The following ZFAT variants were observed in gnomAD, a reference collection of about 807,000 sequenced individuals.
The protein encoded by ZFAT is zinc finger and AT-hook domain containing.
A neutral mutation model predicts 117.7 loss-of-function variants in ZFAT; 64 were observed. That is an observed-to-expected ratio of 0.54 (90% CI 0.44 to 0.67). The LOEUF (loss-of-function observed/expected upper bound fraction) is 0.67. Ranked by LOEUF, ZFAT falls within the 30% of genes least tolerant of loss-of-function variation. The pLI is 0.00. For synonymous variants in ZFAT, 679 were observed against 615.0 expected, an observed-to-expected ratio of 1.10 and a Z score of -1.54; for missense variants, 1,433 against 1,584.5, an observed-to-expected ratio of 0.90 and a Z score of 1.62.
intron 15 of ZFAT, among the ~76,000 whole-genome samples, chr8:134,487,222 C>T (rs571708874): frequency 6.6e-6 from 1 of 152,170 alleles, no homozygotes; most frequent in East Asian, 1.9e-4. Context: ...AGGTAAAAGA[C>T]ATCTCTCCTG....
chr8:134,536,537 C>G (rs924223765), intron 11 of ZFAT, among the ~76,000 whole-genome samples: 4 of 152,176 alleles, frequency 2.6e-5, no homozygotes, highest in Admixed American at 2.6e-4. Context: ...CTAGGCTCTT[C>G]AAGCAAAACA....
intron 1 of ZFAT, among the ~76,000 whole-genome samples, chr8:134,661,016 G>C (rs1563739129): frequency 6.6e-6 from 1 of 152,258 alleles, no homozygotes; most frequent in Non-Finnish European, 1.5e-5. Context: ...GGTGGAGGCA[G>C]AGACAAACAC....
intron 1 of ZFAT, among the ~76,000 whole-genome samples, chr8:134,671,059 G>C (rs1832537201): frequency 6.6e-6 from 1 of 152,150 alleles, no homozygotes; most frequent in Admixed American, 6.5e-5. Flanking sequence ...CCAGGAAGAA[G>C]TTCAATCTCT....
the ZFAT span, among the ~76,000 whole-genome samples, chr8:134,830,793 G>C: frequency 1.3e-5 from 2 of 152,128 alleles, no homozygotes; most frequent in Non-Finnish European, 2.9e-5. Flanking sequence ...GTAATTTCCA[G>C]GTAACATTCA....
upstream of ZFAT, among the ~76,000 whole-genome samples, chr8:134,715,856 ATCTT>A (rs915131675): frequency 8.5e-5 from 13 of 152,336 alleles, no homozygotes; most frequent in Admixed American, 6.5e-4. Flanking sequence ...TATATCCAAT[ATCTT>A]TATGAGAAAT....
chr8:134,579,043 A>T (rs761929402), intron 10 of ZFAT, among the ~76,000 whole-genome samples: 7 of 152,238 alleles, frequency 4.6e-5, no homozygotes, highest in African/African-American at 1.7e-4. Context: ...AAAGCCAAAA[A>T]TACTTACAAT....
chr8:134,608,084 G>C (rs992725915), intron 5 of ZFAT, among the ~76,000 whole-genome samples: 10 of 152,058 alleles, frequency 6.6e-5, no homozygotes, highest in Admixed American at 2.6e-4. Flanking sequence ...CCACATAATA[G>C]CAAACACAGC....
chr8:134,713,961 G>A (rs1814146154), upstream of ZFAT, among the ~76,000 whole-genome samples: 1 of 152,016 alleles, frequency 6.6e-6, no homozygotes, highest in African/African-American at 2.4e-5. Flanking sequence ...TGAGTAATGA[G>A]TTGATGTGGT....
At chr8:134,688,513 G>GA (rs765283467) in intron 1 of ZFAT, among the ~76,000 whole-genome samples, 1 of 152,142 alleles carries the variant, frequency 6.6e-6, no homozygotes, top group Non-Finnish European at 1.5e-5. Flanking sequence ...CAAGAACTGA[G>GA]AAAAGAAAGA....
chr8:134,697,652 G>A (rs1245533672), intron 1 of ZFAT, among the ~76,000 whole-genome samples: 4 of 151,070 alleles, frequency 2.6e-5, no homozygotes, highest in South Asian at 2.1e-4. Context: ...GCGTGAACCC[G>A]GAAGGCGGAG....
At chr8:134,761,484 G>A in the ZFAT span, among the ~76,000 whole-genome samples, 4 of 151,426 alleles carry the variant, frequency 2.6e-5, no homozygotes, top group Admixed American at 6.6e-5. Flanking sequence ...GGCAAATCAC[G>A]AGATCAAGAG....
At chr8:134,702,802 G>T (rs946854781) in intron 1 of ZFAT, among the ~76,000 whole-genome samples, 30 of 151,940 alleles carry the variant, frequency 2.0e-4, no homozygotes, top group African/African-American at 7.3e-4. Context: ...CTCCCGAGTA[G>T]CTGGGACTAC....
chr8:134,662,674 T>G (rs1210780704), intron 1 of ZFAT, among the ~76,000 whole-genome samples: 1 of 152,224 alleles, frequency 6.6e-6, no homozygotes, highest in African/African-American at 2.4e-5. Context: ...CAAATGACTT[T>G]TACCAGCTTT....
the ZFAT span, among the ~76,000 whole-genome samples, chr8:134,802,390 C>T: frequency 0.95 from 144,608 of 152,310 alleles, 68,717 homozygotes; most frequent in East Asian, 0.98. Flanking sequence ...ACATGCTCGA[C>T]GCAATACCAC....
chr8:134,705,709 T>C (rs56813998), intron 1 of ZFAT, among the ~76,000 whole-genome samples: 42,093 of 150,412 alleles, frequency 0.28, 6,142 homozygotes, highest in East Asian at 0.4. Context: ...TTTTTTTTTT[T>C]CTAAGTTTCA....
chr8:134,642,333 G>A (rs374355358), intron 2 of ZFAT, among the ~76,000 whole-genome samples: 1 of 152,096 alleles, frequency 6.6e-6, no homozygotes. Flanking sequence ...GACCGACCTG[G>A]GTTCAAATCT....
the ZFAT span, among the ~76,000 whole-genome samples, chr8:134,759,982 A>AAC: frequency 4.0e-5 from 6 of 148,852 alleles, no homozygotes; most frequent in African/African-American, 1.5e-4. Context: ...AAAAAAAAAA[A>AAC]AAAAAAAACA....
chr8:134,608,585 C>T, intron 5 of ZFAT, 144 bp downstream of exon 5: 10 of 991,662 alleles, frequency 1.0e-5, no homozygotes, highest in South Asian at 8.5e-5. Flanking sequence ...GGTAATTCTA[C>T]TGCTGAATCA....
intron 10 of ZFAT, among the ~76,000 whole-genome samples, chr8:134,570,774 A>G (rs1824835681): frequency 1.3e-5 from 2 of 152,184 alleles, no homozygotes; most frequent in South Asian, 4.1e-4. Flanking sequence ...CTCCCCACCC[A>G]AAGTCATAGG....
Sources: allele counts gnomAD v4.1 joint callset (sites outside exome capture counted in the v4.1 genomes callset), GRCh38; gene constraint gnomAD v4.1.1; transcripts MANE v1.5; gene names NCBI Gene and HGNC (gene_info 2026-07-23, HGNC 2026-07-21).